STK3: variants seen among roughly 807,000 people sequenced by gnomAD.
STK3 encodes the protein serine/threonine-protein kinase 3.
Under a neutral mutation model 58.0 loss-of-function variants are expected in STK3, and 41 were observed. The observed-to-expected ratio is 0.71, with a 90% CI of 0.55 to 0.92. STK3 has a LOEUF of 0.92. Among genes scored for constraint, STK3 ranks in the 40% least tolerant of loss-of-function variants. The pLI is 0.00. For missense variants in STK3, 479 were observed against 602.7 expected (o/e 0.79, Z 2.15); for synonymous variants, 170 against 191.0 (o/e 0.89, Z 0.91).
At chr8:98,691,568 C>A (rs191092963) in intron 6 of STK3, among the ~76,000 whole-genome samples, 3 of 152,066 alleles carry the variant, frequency 2.0e-5, no homozygotes, top group Admixed American at 2.0e-4. Context: ...GAGTAGGACA[C>A]CTTCACCAGC....
chr8:98,544,029 A>G (rs1256826476), intron 9 of STK3, among the ~76,000 whole-genome samples: 1 of 151,968 alleles, frequency 6.6e-6, no homozygotes, highest in Non-Finnish European at 1.5e-5. Context: ...TTTAGAACAT[A>G]AGAGAGTGGC....
chr8:98,630,453 G>A (rs1272753898), intron 6 of STK3, among the ~76,000 whole-genome samples: 2 of 152,040 alleles, frequency 1.3e-5, no homozygotes, highest in African/African-American at 2.4e-5. Flanking sequence ...ACCAGCCTGG[G>A]CAACACAATG....
the STK3 span, among the ~76,000 whole-genome samples, chr8:98,347,576 G>A: frequency 7.3e-5 from 11 of 151,254 alleles, no homozygotes; most frequent in Admixed American, 2.0e-4. Context: ...GGCAGAAATC[G>A]AGAAAAATGG....
intron 6 of STK3, among the ~76,000 whole-genome samples, chr8:98,616,826 C>A (rs1472560661): frequency 1.3e-5 from 2 of 149,750 alleles, no homozygotes; most frequent in African/African-American, 4.9e-5. Context: ...TCCTGAGTGA[C>A]CTACAAAGAG....
chr8:98,362,775 G>A, the STK3 span, among the ~76,000 whole-genome samples: 2 of 152,164 alleles, frequency 1.3e-5, no homozygotes, highest in Non-Finnish European at 2.9e-5. Context: ...TCACAGCTAA[G>A]CCCAGGGCTG....
At position 98,441,525 on chromosome 8, in the gene STK3, C is replaced by T. The variant is rs1031902016; in HGVS notation, n.186-4317G>A. On this transcript the variant is annotated intron_variant and non_coding_transcript_variant, in intron 1 of 3. Coordinates refer to the STK3 transcript ENST00000517832. Reference sequence around the variant, plus strand: ...AAGTGGCAGAGCTGGGTTCTAGCCCCCTCGTTTCTGGCTCCAAACCCAACA... The same window carrying T: ...AAGTGGCAGAGCTGGGTTCTAGCCCTCTCGTTTCTGGCTCCAAACCCAACA... 8.5e-5 allele frequency among the ~76,000 whole-genome samples: 13 copies of T among 152,290 alleles called. No individual in the cohort carries two copies. The East Asian group carries it at 2.3e-3, about 27-fold the overall frequency.
intron 3 of STK3, among the ~76,000 whole-genome samples, chr8:98,832,059 A>G (rs1835550241): frequency 6.6e-6 from 1 of 152,116 alleles, no homozygotes; most frequent in Non-Finnish European, 1.5e-5. Context: ...AAGAATCACA[A>G]GGTTCATAAA....
chr8:98,476,653 C>T (rs1247375386), intron 10 of STK3, among the ~76,000 whole-genome samples: 3 of 152,088 alleles, frequency 2.0e-5, no homozygotes, highest in Non-Finnish European at 2.9e-5. Flanking sequence ...ACAAAACTTA[C>T]CACAAAACTA....
intron 10 of STK3, among the ~76,000 whole-genome samples, chr8:98,477,877 G>T (rs1821502734): frequency 1.3e-5 from 2 of 152,006 alleles, no homozygotes; most frequent in Non-Finnish European, 2.9e-5. Flanking sequence ...CCTGTGCTTT[G>T]TAGGATGTTT....
intron 10 of STK3, among the ~76,000 whole-genome samples, chr8:98,473,553 T>C (rs1821083679): frequency 6.6e-6 from 1 of 152,192 alleles, no homozygotes; most frequent in Non-Finnish European, 1.5e-5. Context: ...TATTTTAAAT[T>C]GGCAATCAAA....
intron 1 of STK3, among the ~76,000 whole-genome samples, chr8:98,921,845 C>T (rs1408614350): frequency 6.6e-6 from 1 of 152,170 alleles, no homozygotes; most frequent in Admixed American, 6.5e-5. Flanking sequence ...GTGCGCACCA[C>T]CAAGCCTGGT....
chr8:98,898,945 C>G (rs1310740370), intron 1 of STK3, among the ~76,000 whole-genome samples: 1 of 152,180 alleles, frequency 6.6e-6, no homozygotes. Flanking sequence ...TCCCCAGTCC[C>G]CTCTCCTAGG....
rs539719918 is a variant in STK3, at chr8:98,477,058, C to T, written c.1318-21058G>A. On this transcript the variant is annotated intron_variant, in intron 10 of 10. Transcript: ENST00000419617. ...AAAGCATCATTCTTATCATCAAGGA[C>T]GGGAAGCTGAGACCGAGGAAAATCT... is the stretch of plus-strand genomic sequence containing the variant. 1.1e-4 allele frequency among the ~76,000 whole-genome samples: 16 copies of T among 152,310 alleles called. No individual in the cohort carries two copies. In the East Asian group the frequency reaches 1.2e-3, roughly 11 times the overall value.
At chr8:98,755,228 A>C (rs1458505036) in intron 3 of STK3, among the ~76,000 whole-genome samples, 1 of 152,132 alleles carries the variant, frequency 6.6e-6, no homozygotes, top group African/African-American at 2.4e-5. Flanking sequence ...CTGACCCTCT[A>C]CTCGGGCCAG....
At chr8:98,785,590 G>T (rs147425554) in intron 1 of STK3, among the ~76,000 whole-genome samples, 23 of 152,210 alleles carry the variant, frequency 1.5e-4, no homozygotes, top group African/African-American at 5.5e-4. Context: ...TCAGACTACT[G>T]TACACTCCAC....
chr8:98,590,629 C>G (rs1019370257), intron 7 of STK3, among the ~76,000 whole-genome samples: 1 of 152,216 alleles, frequency 6.6e-6, no homozygotes, highest in African/African-American at 2.4e-5. Context: ...AAATTTCATG[C>G]ACGTCCGTGT....
intron 10 of STK3, among the ~76,000 whole-genome samples, chr8:98,497,580 G>A (rs1823234963): frequency 6.6e-6 from 1 of 152,104 alleles, no homozygotes; most frequent in Non-Finnish European, 1.5e-5. Flanking sequence ...TATATACAGA[G>A]CTCTTACAAC....
chr8:98,505,177 C>T (rs779424078), intron 10 of STK3, among the ~76,000 whole-genome samples: 6 of 152,226 alleles, frequency 3.9e-5, no homozygotes, highest in Admixed American at 1.3e-4. Flanking sequence ...TCCACTTGAT[C>T]GAATAGGCTA....
At chr8:98,738,815 T>C (rs1379829144) in intron 4 of STK3, among the ~76,000 whole-genome samples, 1 of 149,492 alleles carries the variant, frequency 6.7e-6, no homozygotes, top group Admixed American at 6.6e-5. Context: ...GCGCAAGGGG[T>C]TCAGGGAGTT....
Sources: gnomAD v4.1 joint callset for allele counts (sites outside exome capture counted in the v4.1 genomes callset) on GRCh38, gnomAD v4.1.1 for gene constraint, MANE v1.5 for transcripts, NCBI Gene and HGNC (gene_info 2026-07-23, HGNC 2026-07-21) for gene names.